The following HDAC9 variants were observed in gnomAD, a reference collection of about 807,000 sequenced individuals.
The protein encoded by HDAC9 is histone deacetylase 9.
Under a neutral mutation model 139.4 loss-of-function variants are expected in HDAC9, and 41 were observed. That is an observed-to-expected ratio of 0.29 (90% CI 0.23 to 0.38). HDAC9 has a LOEUF of 0.38. HDAC9 is among the 10% of genes least tolerant of loss of function. The probability of loss-of-function intolerance (pLI) is 1.00; values close to 1 mark genes in which losing one functional copy is unlikely to be tolerated. For missense variants in HDAC9, 1,147 were observed against 1,297.0 expected (o/e 0.88, Z 1.78); for synonymous variants, 517 against 476.2 (o/e 1.09, Z -1.12).
At chr7:18,841,316 T>A (rs1189622620) in intron 21 of HDAC9, among the ~76,000 whole-genome samples, 1 of 152,110 alleles carries the variant, frequency 6.6e-6, no homozygotes, top group Non-Finnish European at 1.5e-5. Flanking sequence ...TTTTTGTTCT[T>A]GTTCTTATTT....
At chr7:18,728,439 ACACACAC>A (rs1785739786) in intron 13 of HDAC9, among the ~76,000 whole-genome samples, 1 of 147,982 alleles carries the variant, frequency 6.8e-6, no homozygotes, top group African/African-American at 2.7e-5. Context: ...ACACACACAC[ACACACAC>A]AAAGGGTGCT....
intron 2 of HDAC9, among the ~76,000 whole-genome samples, chr7:18,508,291 A>C (rs1362680091): frequency 6.6e-6 from 1 of 152,164 alleles, no homozygotes; most frequent in African/African-American, 2.4e-5. Flanking sequence ...GTATCTTTCT[A>C]AAAAAAGTAG....
At chr7:18,981,695 T>C (rs1047306684) in intron 25 of HDAC9, among the ~76,000 whole-genome samples, 3 of 152,202 alleles carry the variant, frequency 2.0e-5, no homozygotes, top group Non-Finnish European at 4.4e-5. Flanking sequence ...GTTTCTGCTA[T>C]TAAGGGCTCA....
At chr7:18,701,039 T>C (rs760527609) in intron 12 of HDAC9, among the ~76,000 whole-genome samples, 1 of 152,110 alleles carries the variant, frequency 6.6e-6, no homozygotes, top group Non-Finnish European at 1.5e-5. Context: ...TCCCTTTCAG[T>C]TGGACAGATA....
intron 22 of HDAC9, among the ~76,000 whole-genome samples, chr7:18,880,321 G>A (rs1799637899): frequency 1.3e-5 from 2 of 152,132 alleles, no homozygotes; most frequent in African/African-American, 4.8e-5. Context: ...ATACCCAGAG[G>A]AATATAAATC....
intron 1 of HDAC9, among the ~76,000 whole-genome samples, chr7:18,340,954 C>T (rs982615841): frequency 3.3e-5 from 5 of 150,830 alleles, no homozygotes; most frequent in Non-Finnish European, 5.9e-5. Context: ...AAGTCTTTTC[C>T]ATTTTCTGTA....
intron 2 of HDAC9, among the ~76,000 whole-genome samples, chr7:18,178,649 G>T (rs1485790020): frequency 6.6e-6 from 1 of 152,208 alleles, no homozygotes; most frequent in African/African-American, 2.4e-5. Context: ...ATAGTGGAAA[G>T]AGTGACATGA....
chr7:18,740,275 C>T (rs898084084), intron 13 of HDAC9, among the ~76,000 whole-genome samples: 3 of 152,202 alleles, frequency 2.0e-5, no homozygotes, highest in Non-Finnish European at 2.9e-5. Context: ...GTGGGCTGCA[C>T]CCACTCTCCA....
At chr7:18,298,908 C>T (rs934889364) in intron 1 of HDAC9, among the ~76,000 whole-genome samples, 8 of 152,024 alleles carry the variant, frequency 5.3e-5, no homozygotes, top group Non-Finnish European at 1.0e-4. Flanking sequence ...ACACCGTGAA[C>T]GAAAACCCAG....
At chr7:18,276,367 G>C (rs1314365538) in intron 2 of HDAC9, among the ~76,000 whole-genome samples, 1 of 152,106 alleles carries the variant, frequency 6.6e-6, no homozygotes. Flanking sequence ...ACTCTTATAT[G>C]GAACCTTAGA....
At chr7:18,244,102 A>C (rs1224059743) in intron 2 of HDAC9, among the ~76,000 whole-genome samples, 1 of 152,176 alleles carries the variant, frequency 6.6e-6, no homozygotes, top group African/African-American at 2.4e-5. Flanking sequence ...CTCAAAAGTA[A>C]GTTTTTAAAA....
intron 23 of HDAC9, 85 bp downstream of exon 23, chr7:18,936,027 A>C (rs55653020): frequency 2.3e-6 from 3 of 1,333,320 alleles, no homozygotes; most frequent in Non-Finnish European, 3.1e-6. Flanking sequence ...AAAATTCTGC[A>C]TACTCAGAAA....
intron 23 of HDAC9, among the ~76,000 whole-genome samples, chr7:18,952,245 G>A (rs1782851238): frequency 6.6e-6 from 1 of 151,806 alleles, no homozygotes; most frequent in Non-Finnish European, 1.5e-5. Flanking sequence ...GGGGGTTTAG[G>A]GGTGTTTGTA....
At chr7:18,859,591 G>A (rs1020604207) in intron 21 of HDAC9, among the ~76,000 whole-genome samples, 2 of 150,972 alleles carry the variant, frequency 1.3e-5, no homozygotes, top group Admixed American at 6.6e-5. Flanking sequence ...CCTCAGAAAG[G>A]CCACATCAAA....
At chr7:18,592,763 A>G (rs1562493672) in intron 5 of HDAC9, among the ~76,000 whole-genome samples, 1 of 152,276 alleles carries the variant, frequency 6.6e-6, no homozygotes, top group East Asian at 1.9e-4. Context: ...TGAAAAACAA[A>G]TCTCTGAAAA....
intron 1 of HDAC9, among the ~76,000 whole-genome samples, chr7:18,383,894 CAAA>C (rs879521627): frequency 5.4e-5 from 5 of 93,060 alleles, no homozygotes; most frequent in Non-Finnish European, 6.7e-5. Flanking sequence ...GACTCCGTCT[CAAA>C]AAAAAAAAAA....
rs370448249 is a variant in HDAC9 at position 18,171,894 on chromosome 7, G to C, written c.25+9545G>C. Reference sequence around the variant, plus strand: ...TGCATCGATGTTCATCAGGGATATTGGTCTAAAATTCTCTTTTTGTTGCGT... The same window carrying C: ...TGCATCGATGTTCATCAGGGATATTCGTCTAAAATTCTCTTTTTGTTGCGT... On this transcript the variant is annotated intron_variant, in intron 2 of 12. Coordinates refer to the HDAC9 transcript ENST00000417496. Among the ~76,000 whole-genome samples the C allele has an allele frequency of 9.2e-5, 14 of 152,246 alleles. No homozygotes were observed. The East Asian group carries it at 2.3e-3, about 25-fold the overall frequency.
intron 23 of HDAC9, among the ~76,000 whole-genome samples, chr7:18,936,499 A>T (rs1242552471): frequency 6.6e-6 from 1 of 152,176 alleles, no homozygotes; most frequent in Non-Finnish European, 1.5e-5. Flanking sequence ...ATTTTCTTTC[A>T]CATCACATGG....
rs1317920062 is a variant in HDAC9, at chr7:18,506,933, A to G, written c.22+10609A>G. Among the ~76,000 whole-genome samples, 11 of 152,224 alleles carry G rather than the reference A, an allele frequency of 7.2e-5. No homozygotes were observed. In the East Asian group the frequency reaches 2.1e-3, roughly 29 times the overall value. On this transcript the variant is annotated intron_variant, in intron 2 of 25. Coordinates refer to ENST00000686413, the MANE Select transcript of HDAC9 (RefSeq NM_178425.4). ...TATACAGTAAAATATGCAGTTTTACATTTGAGAAGTGTTCTCTCAATTTAC... is the reference window on the plus strand; with the variant it reads ...TATACAGTAAAATATGCAGTTTTACGTTTGAGAAGTGTTCTCTCAATTTAC...
Sources: gnomAD v4.1 joint callset for allele counts (sites outside exome capture counted in the v4.1 genomes callset) on GRCh38, gnomAD v4.1.1 for gene constraint, MANE v1.5 for transcripts, NCBI Gene and HGNC (gene_info 2026-07-23, HGNC 2026-07-21) for gene names.